Variants in CNGA4 observed in about 807,000 individuals in gnomAD.
The protein encoded by CNGA4 is cyclic nucleotide gated channel subunit alpha 4.
Under a neutral mutation model 45.6 loss-of-function variants are expected in CNGA4, and 32 were observed. The ratio of observed to expected loss-of-function variants is 0.70; its 90% CI spans 0.53 to 0.94. The LOEUF is 0.94. CNGA4 is among the 40% of genes least tolerant of loss of function. The pLI is 0.00. For synonymous variants in CNGA4, 293 were observed against 304.6 expected, an observed-to-expected ratio of 0.96 and a Z score of 0.40; for missense variants, 726 against 755.1, an observed-to-expected ratio of 0.96 and a Z score of 0.45.
chr11:6,243,991 T>C lies in CNGA4; in HGVS notation c.1310T>C (p.Leu437Pro), dbSNP rs1847953758. The C allele has an allele frequency of 6.2e-7, 1 of 1,613,878 alleles. No homozygotes were observed. Among genetic ancestry groups the C allele is most frequent in the African/African-American group, 1.3e-5 (1 of 74,894 alleles). The change falls in exon 6 of 6, where the codon CTA (leucine) becomes CCA (proline). Residue 437 changes from leucine (L) to proline (P), a missense_variant. Coordinates refer to ENST00000379936, the MANE Select transcript of CNGA4 (RefSeq NM_001037329.4). ...CGCCGCACAGCCAACATCAAGAGCC[T>C]AGGTTATTCAGACCTATTCTGCCTG... ...GNRRTANIKSLGYSDLFCLSK... is the reference protein window; with the variant it reads ...GNRRTANIKSPGYSDLFCLSK...
chr11:6,242,313 G>C (rs1347296026), intron 5 of CNGA4, among the ~76,000 whole-genome samples: 2 of 152,100 alleles, frequency 1.3e-5, no homozygotes, highest in Non-Finnish European at 2.9e-5. Context: ...CAAGTGGAAA[G>C]AGAAAGGTAG....
At chr11:6,242,232 T>C (rs143010411) in intron 5 of CNGA4, among the ~76,000 whole-genome samples, 298 of 152,122 alleles carry the variant, frequency 2.0e-3, no homozygotes, top group African/African-American at 6.9e-3. Flanking sequence ...CTCAAAGAAG[T>C]TGGGTAATTT....
upstream of CNGA4, chr11:6,238,983 C>T: frequency 7.3e-7 from 1 of 1,368,810 alleles, no homozygotes; most frequent in East Asian, 2.6e-5. Flanking sequence ...GGTGTAAGCC[C>T]AGGCCCTGGG....
upstream of CNGA4, chr11:6,238,966 C>T (rs538053755): frequency 4.1e-6 from 5 of 1,233,634 alleles, no homozygotes; most frequent in South Asian, 8.5e-5. Flanking sequence ...AGGTGTTTAG[C>T]TGGGCAGGTG....
upstream of CNGA4, chr11:6,235,399 C>A: frequency 1.2e-6 from 1 of 859,700 alleles, no homozygotes; most frequent in South Asian, 5.3e-5. Flanking sequence ...TCAATTAGAA[C>A]CGGCCTCTGC....
upstream of CNGA4, among the ~76,000 whole-genome samples, chr11:6,235,057 G>A (rs941148832): frequency 7.9e-5 from 12 of 152,204 alleles, no homozygotes; most frequent in Non-Finnish European, 1.5e-4. Context: ...GGAGCCGGAA[G>A]AAAGACGAGC....
chr11:6,241,451 A>C lies in CNGA4; in HGVS notation c.938A>C (p.Asn313Thr). The change falls in exon 5 of 6, where the codon AAC (asparagine) becomes ACC (threonine). Residue 313 changes from asparagine (N) to threonine (T), a missense_variant. By Grantham distance (65) the Asn-to-Thr change is moderately conservative (BLOSUM62 0). Transcript: ENST00000379936. ...VIDWYQHLQI[N>T]KKMTNEVAIL... The stretch of plus-strand genomic sequence containing the variant: ...CTCAGGTATCAGCACCTGCAGATCA[A>C]CAAGAAGATGACCAACGAGGTAGCC... The C allele has an allele frequency of 6.3e-7, 1 of 1,588,356 alleles. No individual in the cohort carries two copies. The highest frequency in any genetic ancestry group is 8.6e-7 in the Non-Finnish European group (1 of 1,164,122).
At chr11:6,241,858 G>C in intron 5 of CNGA4, 78 bp downstream of exon 5, 1 of 1,330,716 alleles carries the variant, frequency 7.5e-7, no homozygotes, top group Non-Finnish European at 1.1e-6. Flanking sequence ...GCTGGGACCA[G>C]ATAGTACTTC....
upstream of CNGA4, among the ~76,000 whole-genome samples, chr11:6,236,319 A>G (rs1377070378): frequency 6.6e-6 from 1 of 152,344 alleles, no homozygotes; most frequent in East Asian, 1.9e-4. Context: ...TAAGGAATTT[A>G]GATTTTATTT....
chr11:6,239,995 C>T (rs906866901), intron 3 of CNGA4, 71 bp from the exon 4 acceptor site: 2 of 1,531,100 alleles, frequency 1.3e-6, no homozygotes, highest in Non-Finnish European at 1.8e-6. Flanking sequence ...CCCTGGCCTG[C>T]CCTGGGCAGC....
upstream of CNGA4, among the ~76,000 whole-genome samples, chr11:6,237,803 A>G (rs558495409): frequency 5.3e-5 from 8 of 152,356 alleles, no homozygotes; most frequent in East Asian, 1.5e-3. Flanking sequence ...ACACACTCCA[A>G]AAACACAAAC....
At chr11:6,241,042 G>C (rs1847911228) in intron 4 of CNGA4, among the ~76,000 whole-genome samples, 2 of 152,178 alleles carry the variant, frequency 1.3e-5, no homozygotes, top group Non-Finnish European at 2.9e-5. Flanking sequence ...TCCCCCCTGA[G>C]AATGGTCAGC....
upstream of CNGA4, among the ~76,000 whole-genome samples, chr11:6,238,552 G>T (rs765944103): frequency 1.3e-5 from 2 of 152,184 alleles, no homozygotes; most frequent in Non-Finnish European, 2.9e-5. Flanking sequence ...TCACAAGAAG[G>T]ATATGAGGAC....
Position 6,240,681 on chromosome 11 carries a change from A to G in CNGA4, c.887A>G (p.Asn296Ser), listed in dbSNP as rs113053170. 2.9e-5 allele frequency: 46 copies of G among 1,613,376 alleles called. No homozygotes were observed. In the Middle Eastern group the frequency reaches 5.0e-4, roughly 18 times the overall value. The part of the protein sequence containing the change: ...VKKYMKLQHV[N>S]RKLERRVIDW... ...AAGTACATGAAGCTGCAGCACGTCA[A>G]CCGCAAGCTGGAGCGGCGAGTTATT... Residue 296 changes from asparagine to serine, a missense_variant, in exon 4 of 6, where the codon AAC becomes AGC. Coordinates refer to ENST00000379936, the MANE Select transcript of CNGA4 (RefSeq NM_001037329.4). This position sits in a 1 kb window ranked among gnomAD's most constrained non-coding sequence, Gnocchi z 4.9.
rs1399780494 is a variant in CNGA4 at position 6,240,271 on chromosome 11, C to G, written c.477C>G (p.Thr159=). Residue 159 remains threonine (T), a synonymous_variant, in exon 4 of 6, where the codon ACC becomes ACG. Coordinates refer to ENST00000379936, the MANE Select transcript of CNGA4 (RefSeq NM_001037329.4). The surrounding 1 kb of genome is among the most constrained non-coding windows in gnomAD (Gnocchi z 4.9). The part of the protein sequence containing the change: ...RLFEAFDRTE[T]RTAYPNAFRI... The stretch of plus-strand genomic sequence containing the variant: ...TCGAGGCCTTCGACCGCACAGAGAC[C>G]CGCACAGCTTACCCAAATGCCTTTC... 1 of 1,614,228 alleles carries G rather than the reference C, an allele frequency of 6.2e-7. No individual in the cohort carries two copies.
Position 6,239,635 on chromosome 11 carries a change from G to A in CNGA4, c.165-49G>A, listed in dbSNP as rs201459029. 1.9e-4 allele frequency: 307 copies of A among 1,594,650 alleles called. 3 individuals carry two copies. The East Asian group carries it at 5.5e-3, about 28-fold the overall frequency. On this transcript the variant is annotated intron_variant, in intron 2 of 5. Transcript: ENST00000379936. The stretch of plus-strand genomic sequence containing the variant: ...GTTAAGGGCCCTGGGGAGACGCCTC[G>A]CACACAGAGGGTGCCCTTAATTCAA...
Position 6,240,493 on chromosome 11 carries a change from C to A in CNGA4, c.699C>A (p.Gly233=). 2 of 1,614,178 alleles carry A rather than the reference C, an allele frequency of 1.2e-6. No homozygotes were observed. The highest frequency in any genetic ancestry group is 1.7e-5 in the Admixed American group (1 of 60,034). ...CCACGCTGATACTGACTACAGTGGG[C>A]GATACACCGCCGCCAGCCAGGGAAG... ...YFSTLILTTV[G]DTPPPAREEE... is the part of the protein sequence containing the mutation. Residue 233 remains glycine, a synonymous_variant, in exon 4 of 6, where the codon GGC becomes GGA. Transcript: ENST00000379936. The surrounding 1 kb of genome is among the most constrained non-coding windows in gnomAD (Gnocchi z 4.9).
At chr11:6,241,845 A>C (rs758708924) in intron 5 of CNGA4, 65 bp downstream of exon 5, 1 of 1,452,682 alleles carries the variant, frequency 6.9e-7, no homozygotes. Flanking sequence ...AGCAGAGCCC[A>C]GTGCTGGGAC....
rs745692048 is a variant in CNGA4, at chr11:6,241,468, G to A, written c.955G>A (p.Glu319Lys). The change falls in exon 5 of 6, where the codon GAG (glutamate) becomes AAG (lysine). Residue 319 changes from glutamate (E) to lysine (K), a missense_variant. Physicochemically the swap from Glu to Lys is moderately conservative, Grantham distance 56. Transcript: ENST00000379936. ...GCAGATCAACAAGAAGATGACCAAC[G>A]AGGTAGCCATCTTACAGCACTTGCC... ...HLQINKKMTN[E>K]VAILQHLPER... 9 of 1,600,844 alleles carry A rather than the reference G, an allele frequency of 5.6e-6. No individual in the cohort carries two copies. Among genetic ancestry groups the A allele is most frequent in the Admixed American group, 5.1e-5 (3 of 59,338 alleles).
Sources: allele counts gnomAD v4.1 joint callset (sites outside exome capture counted in the v4.1 genomes callset), GRCh38; gene constraint gnomAD v4.1.1; non-coding constraint Gnocchi (gnomAD v3.1); transcripts MANE v1.5; gene names NCBI Gene and HGNC (gene_info 2026-07-23, HGNC 2026-07-21).